The following CACNA1C variants were observed in gnomAD, a reference collection of about 807,000 sequenced individuals.
The protein encoded by CACNA1C is calcium voltage-gated channel subunit alpha1 C.
CACNA1C carries 30 observed loss-of-function variants against 229.0 expected under a neutral mutation model. That is an observed-to-expected ratio of 0.13 (90% CI 0.10 to 0.18). The LOEUF is 0.18. Among genes scored for constraint, CACNA1C ranks in the 10% least tolerant of loss-of-function variants. The probability of loss-of-function intolerance (pLI) is 1.00; values close to 1 mark genes in which losing one functional copy is unlikely to be tolerated. For missense variants in CACNA1C, 1,658 were observed against 2,845.0 expected, an observed-to-expected ratio of 0.58 and a Z score of 9.49; for synonymous variants, 1,114 against 1,132.5, an observed-to-expected ratio of 0.98 and a Z score of 0.33.
intron 3 of CACNA1C, among the ~76,000 whole-genome samples, chr12:2,159,126 T>C (rs753832675): frequency 1.4e-4 from 21 of 151,882 alleles, no homozygotes; most frequent in Admixed American, 4.6e-4. Flanking sequence ...AGGGGCAGGT[T>C]GGGGAGGGGG....
intron 29 of CACNA1C, among the ~76,000 whole-genome samples, chr12:2,626,999 A>G (rs377564194): frequency 4.1e-4 from 62 of 152,342 alleles, no homozygotes; most frequent in African/African-American, 1.5e-3. Context: ...GTGTCCAGTT[A>G]AAAGTGTGCA....
chr12:2,202,495 T>G (rs1230475932), intron 3 of CACNA1C, among the ~76,000 whole-genome samples: 1 of 152,258 alleles, frequency 6.6e-6, no homozygotes, highest in Non-Finnish European at 1.5e-5. Context: ...TTATTTTAAG[T>G]CTTCTCTTGA....
chr12:2,453,930 C>T (rs1175379056), intron 4 of CACNA1C, among the ~76,000 whole-genome samples: 1 of 152,180 alleles, frequency 6.6e-6, no homozygotes, highest in Non-Finnish European at 1.5e-5. Flanking sequence ...CCTGATTCTC[C>T]CTGAGGGTGC....
At chr12:2,539,249 G>C (rs560092566) in intron 9 of CACNA1C, among the ~76,000 whole-genome samples, 68 of 147,984 alleles carry the variant, frequency 4.6e-4, no homozygotes, top group African/African-American at 1.3e-3. Context: ...AAGGACTTAA[G>C]GAGGGCTTCA....
At chr12:2,260,103 C>T (rs1013671100) in intron 3 of CACNA1C, among the ~76,000 whole-genome samples, 1 of 152,180 alleles carries the variant, frequency 6.6e-6, no homozygotes, top group Non-Finnish European at 1.5e-5. Context: ...GACCGACATC[C>T]TGCACCTCCA....
At chr12:2,499,874 A>T (rs112286310) in intron 7 of CACNA1C, among the ~76,000 whole-genome samples, 1 of 151,960 alleles carries the variant, frequency 6.6e-6, no homozygotes, top group Non-Finnish European at 1.5e-5. Flanking sequence ...TTAGGACATC[A>T]ATCTCATGAC....
chr12:2,681,456 G>C (rs148378511), intron 42 of CACNA1C, among the ~76,000 whole-genome samples: 3 of 152,164 alleles, frequency 2.0e-5, no homozygotes. Context: ...CCTTGTCCCC[G>C]TGTCACAGCT....
At chr12:2,257,452 A>G (rs2078404985) in intron 3 of CACNA1C, among the ~76,000 whole-genome samples, 1 of 152,208 alleles carries the variant, frequency 6.6e-6, no homozygotes, top group Non-Finnish European at 1.5e-5. Context: ...ATCATCAGGC[A>G]TTAGATTCTC....
rs576654379 is a variant in CACNA1C at position 2,114,918 on chromosome 12, A to G, written c.50-306A>G. Among the ~76,000 whole-genome samples the G allele has an allele frequency of 5.9e-5, 9 of 152,272 alleles. No homozygotes were observed. In the South Asian group the frequency reaches 1.7e-3, roughly 28 times the overall value. ...ATTTCTAGGTAATGTGTTGTGTTGT[A>G]TCTGTTTCTGCTGAGGTCCATACGT... On this transcript the variant is annotated intron_variant, in intron 1 of 46. Coordinates refer to ENST00000399655, the MANE Select transcript of CACNA1C (RefSeq NM_000719.7).
chr12:2,063,192 A>AC (rs2058137374), intron 1 of CACNA1C, among the ~76,000 whole-genome samples: 1 of 142,756 alleles, frequency 7.0e-6, no homozygotes, highest in Non-Finnish European at 1.5e-5. Flanking sequence ...TCGCTCTGTC[A>AC]CCAGGCTGGA....
chr12:2,097,368 G>A (rs374938100), intron 1 of CACNA1C, among the ~76,000 whole-genome samples: 3,898 of 151,920 alleles, frequency 0.026, 164 homozygotes, highest in African/African-American at 0.088. Flanking sequence ...GGATAGTCTC[G>A]ATCTCCTGAC....
chr12:2,099,771 G>GCTGC (rs1193224437), intron 1 of CACNA1C, among the ~76,000 whole-genome samples: 4 of 152,064 alleles, frequency 2.6e-5, no homozygotes, highest in Non-Finnish European at 5.9e-5. Flanking sequence ...GGGCAGACAC[G>GCTGC]CTGCCTGCCT....
At chr12:2,070,994 C>T (rs2060999401) in intron 1 of CACNA1C, among the ~76,000 whole-genome samples, 1 of 129,432 alleles carries the variant, frequency 7.7e-6, no homozygotes, top group Admixed American at 7.6e-5. Flanking sequence ...TTCTCTCTCT[C>T]CTTCCTTCCT....
intron 1 of CACNA1C, among the ~76,000 whole-genome samples, chr12:2,043,743 C>G (rs1288245626): frequency 7.1e-6 from 1 of 141,260 alleles, no homozygotes; most frequent in African/African-American, 2.8e-5. Flanking sequence ...GCAAGCTCCG[C>G]TTCCCGGGTT....
At chr12:2,670,089 C>A (rs887235562) in intron 38 of CACNA1C, among the ~76,000 whole-genome samples, 2 of 152,188 alleles carry the variant, frequency 1.3e-5, no homozygotes, top group Non-Finnish European at 2.9e-5. Context: ...GAGTCCCAGG[C>A]ACCCACACAG....
chr12:2,094,455 G>A (rs142997414), intron 1 of CACNA1C, among the ~76,000 whole-genome samples: 1,969 of 152,272 alleles, frequency 0.013, 48 homozygotes, highest in African/African-American at 0.045. Flanking sequence ...TGGGCGAGCA[G>A]GGGCCTCCTC....
intron 45 of CACNA1C, among the ~76,000 whole-genome samples, chr12:2,686,595 G>A (rs979275735): frequency 6.6e-6 from 1 of 152,226 alleles, no homozygotes; most frequent in African/African-American, 2.4e-5. Flanking sequence ...CTCTGACACT[G>A]GCCTATGCCT....
intron 3 of CACNA1C, among the ~76,000 whole-genome samples, chr12:2,310,932 AC>A (rs531571972): frequency 7.9e-5 from 12 of 152,102 alleles, no homozygotes; most frequent in Non-Finnish European, 1.8e-4. Flanking sequence ...GTTCAGCAGA[AC>A]CCAGGGCTGA....
chr12:2,004,591 G>T, intron 1 of CACNA1C: 1 of 1,060,752 alleles, frequency 9.4e-7, no homozygotes, highest in South Asian at 1.7e-5. Context: ...GCCGACAGAC[G>T]CAAGGCCTCA....
Sources: allele counts gnomAD v4.1 joint callset (sites outside exome capture counted in the v4.1 genomes callset), GRCh38; gene constraint gnomAD v4.1.1; transcripts MANE v1.5; gene names NCBI Gene and HGNC (gene_info 2026-07-23, HGNC 2026-07-21).